The following LARP4 variants were observed in gnomAD, a reference collection of about 807,000 sequenced individuals.
LARP4 encodes the protein La ribonucleoprotein 4.
LARP4 carries 29 observed loss-of-function variants against 92.9 expected under a neutral mutation model. The ratio of observed to expected loss-of-function variants is 0.31; its 90% CI spans 0.23 to 0.43. The LOEUF is 0.43. Ranked by LOEUF, LARP4 falls within the 20% of genes least tolerant of loss-of-function variation. LARP4 has a pLI of 1.00. For synonymous variants in LARP4, 279 were observed against 284.1 expected (o/e 0.98, Z 0.18); for missense variants, 732 against 860.0 (o/e 0.85, Z 1.86).
At chr12:50,414,223 C>T (rs542880117) in intron 1 of LARP4, among the ~76,000 whole-genome samples, 9 of 152,188 alleles carry the variant, frequency 5.9e-5, no homozygotes, top group African/African-American at 2.2e-4. Flanking sequence ...TTTCCCTGTT[C>T]GGCAAACAAT....
chr12:50,418,058 A>G (rs1947144529), intron 1 of LARP4, among the ~76,000 whole-genome samples: 1 of 152,208 alleles, frequency 6.6e-6, no homozygotes. Context: ...ACGGGGTTTC[A>G]CCACATTGGC....
intron 11 of LARP4, 175 bp downstream of exon 11, chr12:50,461,522 T>C: frequency 3.0e-6 from 2 of 673,166 alleles, no homozygotes; most frequent in Non-Finnish European, 4.8e-6. Context: ...TATTAAGAAA[T>C]AGAGTGCCCA....
chr12:50,425,221 CA>C (rs1280971394), intron 1 of LARP4, among the ~76,000 whole-genome samples: 1 of 152,192 alleles, frequency 6.6e-6, no homozygotes, highest in Non-Finnish European at 1.5e-5. Flanking sequence ...CTATGCATAG[CA>C]ACTCTATGAG....
intron 1 of LARP4, among the ~76,000 whole-genome samples, chr12:50,408,647 G>A (rs530239484): frequency 5.9e-5 from 9 of 152,166 alleles, no homozygotes; most frequent in Non-Finnish European, 1.3e-4. Context: ...TTTTGCCCTG[G>A]AAGGTCACAG....
intron 5 of LARP4, 102 bp downstream of exon 5, chr12:50,435,726 C>CA: frequency 1.2e-6 from 1 of 809,122 alleles, no homozygotes; most frequent in South Asian, 2.0e-5. Flanking sequence ...CCCCTCCCCA[C>CA]ACCCTTATTT....
rs778013870 is a variant in LARP4, at chr12:50,479,279, T to C, written c.*3415T>C. ...ATATATATTAACCATATTTTAAAAG[T>C]ACCAATTTTGTTTTTACAGAAAAGA... On this transcript the variant is annotated 3_prime_UTR_variant, in exon 16 of 16. Coordinates refer to ENST00000398473, the MANE Select transcript of LARP4 (RefSeq NM_052879.5). 7.2e-5 allele frequency: 11 copies of C among 152,636 alleles called. No individual in the cohort carries two copies. Among genetic ancestry groups the C allele is most frequent in the Non-Finnish European group, 1.6e-4 (11 of 68,032 alleles). The allele number at this position is 152,636 out of a possible 1,614,324, so 9.5% of individuals were successfully genotyped here. A position where few individuals can be genotyped will look rare whatever the true frequency, so the allele number is the denominator to read the frequency against.
intron 1 of LARP4, among the ~76,000 whole-genome samples, chr12:50,418,654 C>T (rs1947246913): frequency 6.6e-6 from 1 of 151,978 alleles, no homozygotes; most frequent in Non-Finnish European, 1.5e-5. Context: ...CTCCTGAGCT[C>T]AAGCGATTTG....
rs1400424121 is a variant in LARP4 at position 50,401,010 on chromosome 12, C to T, written c.-1C>T. ...AACGATTGGGCTGAGCAGAGGACGA[C>T]ATGTTGCTTTTCGTGGAGGTGAGTG... On this transcript the variant is annotated 5_prime_UTR_variant, in exon 1 of 16. Coordinates refer to ENST00000398473, the MANE Select transcript of LARP4 (RefSeq NM_052879.5). 1 of 1,614,142 alleles carries T rather than the reference C, an allele frequency of 6.2e-7. No homozygotes were observed. Among genetic ancestry groups the T allele is most frequent in the African/African-American group, 1.3e-5 (1 of 75,036 alleles).
intron 12 of LARP4, among the ~76,000 whole-genome samples, chr12:50,465,786 A>G (rs990210147): frequency 4.6e-5 from 7 of 152,232 alleles, no homozygotes; most frequent in Non-Finnish European, 1.0e-4. Flanking sequence ...AAAACCTACA[A>G]TTCAATGATA....
chr12:50,473,354 C>T (rs1035793681), intron 13 of LARP4, 61 bp from the exon 14 acceptor site: 11 of 1,245,260 alleles, frequency 8.8e-6, no homozygotes, highest in African/African-American at 3.0e-5. Flanking sequence ...GCTTATTAGA[C>T]GTGTATATCT....
At chr12:50,458,471 G>C (rs1264559947) in intron 10 of LARP4, among the ~76,000 whole-genome samples, 11 of 152,062 alleles carry the variant, frequency 7.2e-5, no homozygotes, top group Non-Finnish European at 1.5e-5. Flanking sequence ...GGTCTGTAAA[G>C]AATAAAACAG....
intron 10 of LARP4, among the ~76,000 whole-genome samples, chr12:50,459,131 T>C (rs1364901750): frequency 6.6e-6 from 1 of 152,140 alleles, no homozygotes; most frequent in Non-Finnish European, 1.5e-5. Context: ...CCTGAATAGC[T>C]GGGATTACAG....
chr12:50,414,294 TTTGTTG>T (rs573686302), intron 1 of LARP4, among the ~76,000 whole-genome samples: 3 of 152,028 alleles, frequency 2.0e-5, no homozygotes, highest in African/African-American at 7.2e-5. Context: ...TTTTCTGGGT[TTTGTTG>T]TTGTTGTTGT....
rs1943741461 is a variant in LARP4 at position 50,401,151 on chromosome 12, C to T, written c.18+123C>T. ...GCCGCGGAACCGGCAGATAGGCTGA[C>T]ACAGCACCTGGGCCGAGCAGGCCTG... On this transcript the variant is annotated intron_variant, in intron 1 of 15. Coordinates refer to ENST00000398473, the MANE Select transcript of LARP4 (RefSeq NM_052879.5). The T allele has an allele frequency of 3.6e-5, 40 of 1,104,704 alleles. No homozygotes were observed. In the East Asian group the frequency reaches 4.0e-4, roughly 11 times the overall value. 68.4% of individuals were successfully genotyped at this position (1,104,704 alleles called of 1,614,324 possible). A position where few individuals can be genotyped will look rare whatever the true frequency, so the allele number is the denominator to read the frequency against.
In LARP4 at chr12:50,457,216, TTTTTTTA is replaced by T. The variant is rs1245368187; in HGVS notation, c.1121+2800_1121+2806del. Among the ~76,000 whole-genome samples the T allele has an allele frequency of 2.4e-4, 36 of 150,186 alleles. No individual in the cohort carries two copies. In the South Asian group the frequency reaches 7.7e-3, roughly 32 times the overall value. Reference sequence around the variant, plus strand: ...CATACCCGGCCTTTTTTTTTTTTTTTTTTTTTAAAGACGGAGTTTTGCTCTTGTTGTC... The same window carrying T: ...CATACCCGGCCTTTTTTTTTTTTTTTAAGACGGAGTTTTGCTCTTGTTGTC... On this transcript the variant is annotated intron_variant, in intron 10 of 15. Transcript: ENST00000398473.
chr12:50,443,722 CT>C (rs1312348706), intron 8 of LARP4, among the ~76,000 whole-genome samples: 7 of 152,214 alleles, frequency 4.6e-5, no homozygotes, highest in Admixed American at 4.6e-4. Context: ...AGCGATTCTC[CT>C]GCCTCAGCCT....
intron 10 of LARP4, among the ~76,000 whole-genome samples, chr12:50,457,082 T>G (rs559945576): frequency 1.7e-4 from 26 of 152,156 alleles, no homozygotes; most frequent in Non-Finnish European, 3.7e-4. Context: ...TGTTGTATTT[T>G]TAGTAGAGAC....
chr12:50,406,474 C>T (rs1260168286), intron 1 of LARP4, among the ~76,000 whole-genome samples: 1 of 152,060 alleles, frequency 6.6e-6, no homozygotes, highest in Non-Finnish European at 1.5e-5. Flanking sequence ...GAGTGAGACC[C>T]TGCCTCAAAA....
intron 1 of LARP4, among the ~76,000 whole-genome samples, chr12:50,417,175 C>T (rs552195519): frequency 3.6e-4 from 54 of 151,694 alleles, no homozygotes; most frequent in Non-Finnish European, 7.2e-4. Flanking sequence ...TTTGGGAGGC[C>T]GAGGTGGGTG....
Sources: gnomAD v4.1 joint callset for allele counts (sites outside exome capture counted in the v4.1 genomes callset) on GRCh38, gnomAD v4.1.1 for gene constraint, MANE v1.5 for transcripts, NCBI Gene and HGNC (gene_info 2026-07-23, HGNC 2026-07-21) for gene names.